The following AGK variants were observed in gnomAD, a reference collection of about 807,000 sequenced individuals.
AGK encodes acylglycerol kinase.
In AGK, 52 loss-of-function variants were observed where a neutral mutation model predicts 66.4. The ratio of observed to expected loss-of-function variants is 0.78; its 90% CI spans 0.63 to 0.99. The LOEUF (loss-of-function observed/expected upper bound fraction) is 0.99, where lower values mean the gene tolerates loss of function less well. Among genes scored for constraint, AGK ranks in the 50% least tolerant of loss-of-function variants. The pLI is 0.00. For synonymous variants in AGK, 182 were observed against 181.1 expected, an observed-to-expected ratio of 1.00 and a Z score of -0.04; for missense variants, 451 against 506.6, an observed-to-expected ratio of 0.89 and a Z score of 1.05.
chr7:141,629,788 C>A (rs180896130), intron 9 of AGK, among the ~76,000 whole-genome samples: 1 of 152,040 alleles, frequency 6.6e-6, no homozygotes, highest in South Asian at 2.1e-4. Context: ...CTCTTCCCCC[C>A]GAGATGAAGA....
chr7:141,575,653 CCTTTTTTTTTT>C (rs1795719911), intron 2 of AGK, among the ~76,000 whole-genome samples: 1 of 109,666 alleles, frequency 9.1e-6, no homozygotes, highest in African/African-American at 4.0e-5. Flanking sequence ...TTTACAAAGG[CCTTTTTTTTTT>C]TTTTTTTTTT....
intron 3 of AGK, chr7:141,593,677 A>T (rs1796169836): frequency 3.2e-6 from 1 of 315,028 alleles, no homozygotes; most frequent in East Asian, 5.4e-5. Flanking sequence ...TTAAATATTC[A>T]TTTATATGGC....
intron 1 of AGK, among the ~76,000 whole-genome samples, chr7:141,554,524 A>G (rs1795167025): frequency 6.6e-6 from 1 of 152,118 alleles, no homozygotes; most frequent in Non-Finnish European, 1.5e-5. Flanking sequence ...AAAAATATTT[A>G]ATTGCTATTT....
intron 9 of AGK, among the ~76,000 whole-genome samples, chr7:141,624,855 C>T (rs1796902372): frequency 6.6e-6 from 1 of 152,188 alleles, no homozygotes; most frequent in Non-Finnish European, 1.5e-5. Context: ...AGAATTTCTG[C>T]TATAGGTCAC....
intron 2 of AGK, among the ~76,000 whole-genome samples, chr7:141,582,529 G>A (rs144905925): frequency 0.01 from 1,531 of 152,080 alleles, 52 homozygotes; most frequent in African/African-American, 0.035. Context: ...TGTATATTGA[G>A]AATAAGACAG....
Position 141,649,341 on chromosome 7 carries a change from G to T in AGK, c.1046+8G>T, listed in dbSNP as rs1797496925. The T allele has an allele frequency of 6.2e-7, 1 of 1,602,084 alleles. No homozygotes were observed. Among genetic ancestry groups the T allele is most frequent in the Non-Finnish European group, 8.5e-7 (1 of 1,169,696 alleles). On this transcript the variant is annotated splice_region_variant and intron_variant, in intron 14 of 15. Coordinates refer to ENST00000649286, the MANE Select transcript of AGK (RefSeq NM_018238.4). ...AGACTTTATAACTATAGGGTAAGTG[G>T]ACTGGGGTTCACAGGAAATGAGGCT...
intron 9 of AGK, among the ~76,000 whole-genome samples, chr7:141,632,171 C>A (rs897535964): frequency 6.6e-6 from 1 of 150,386 alleles, no homozygotes. Context: ...GCAGAGGTTG[C>A]AATTAGCCGA....
chr7:141,628,734 GA>G (rs1481712875), intron 9 of AGK, among the ~76,000 whole-genome samples: 1 of 152,188 alleles, frequency 6.6e-6, no homozygotes, highest in East Asian at 1.9e-4. Flanking sequence ...AGTTGTGCTG[GA>G]GATGTAACTA....
At chr7:141,558,718 T>C (rs1795272331) in intron 2 of AGK, among the ~76,000 whole-genome samples, 1 of 152,206 alleles carries the variant, frequency 6.6e-6, no homozygotes, top group African/African-American at 2.4e-5. Flanking sequence ...TTTTCCATTG[T>C]GGCTCATCAT....
At position 141,654,923 on chromosome 7, in the gene AGK, T is replaced by C. The variant is rs1004902588; in HGVS notation, c.*1999T>C. 3 of 152,198 alleles carry C rather than the reference T, an allele frequency of 2.0e-5. No individual in the cohort carries two copies. Among genetic ancestry groups the C allele is most frequent in the African/African-American group, 7.2e-5 (3 of 41,438 alleles). 9.4% of individuals were successfully genotyped at this position (152,198 alleles called of 1,614,324 possible). Reference sequence around the variant, plus strand: ...CTTCAGGGTGGTAAAATTTCTGCTTTTGGCAAAAACATAACAGACGGTTCC... The same window carrying C: ...CTTCAGGGTGGTAAAATTTCTGCTTCTGGCAAAAACATAACAGACGGTTCC... On this transcript the variant is annotated 3_prime_UTR_variant, in exon 16 of 16. Transcript: ENST00000649286.
At chr7:141,647,014 GGTT>G (rs1324873000) in intron 13 of AGK, among the ~76,000 whole-genome samples, 1 of 152,082 alleles carries the variant, frequency 6.6e-6, no homozygotes, top group African/African-American at 2.4e-5. Flanking sequence ...GTGACTTGGT[GGTT>G]GTCCTCCTGA....
chr7:141,556,968 T>A (rs1246451889), intron 2 of AGK, among the ~76,000 whole-genome samples: 1 of 152,228 alleles, frequency 6.6e-6, no homozygotes, highest in African/African-American at 2.4e-5. Flanking sequence ...AGAAGTTTTT[T>A]TGTATAAAAA....
intron 2 of AGK, among the ~76,000 whole-genome samples, chr7:141,587,143 A>G (rs1467890548): frequency 6.6e-6 from 1 of 152,130 alleles, no homozygotes; most frequent in Non-Finnish European, 1.5e-5. Context: ...CAATTGCTTA[A>G]TGCAGGATGT....
intron 2 of AGK, among the ~76,000 whole-genome samples, chr7:141,586,641 T>C (rs1165566346): frequency 6.6e-6 from 1 of 152,170 alleles, no homozygotes; most frequent in Non-Finnish European, 1.5e-5. Context: ...GTGCTTGGCC[T>C]TTTTTAAAAA....
chr7:141,552,820 A>T (rs898541254), intron 1 of AGK, among the ~76,000 whole-genome samples: 2 of 152,192 alleles, frequency 1.3e-5, no homozygotes, highest in East Asian at 1.9e-4. Context: ...TTGAAGACAC[A>T]GGTACACAGA....
At chr7:141,587,585 G>A (rs1005518643) in intron 2 of AGK, among the ~76,000 whole-genome samples, 3 of 152,096 alleles carry the variant, frequency 2.0e-5, no homozygotes, top group East Asian at 1.9e-4. Flanking sequence ...GCACTTGTAC[G>A]CTTTGACATG....
chr7:141,649,930 T>C (rs2117030235), intron 14 of AGK, among the ~76,000 whole-genome samples: 1 of 152,362 alleles, frequency 6.6e-6, no homozygotes, highest in African/African-American at 2.4e-5. Flanking sequence ...CAATACAGAA[T>C]ACCCTTCCAA....
intron 12 of AGK, 83 bp from the exon 13 acceptor site, chr7:141,641,728 T>TGAGCAGC: frequency 8.9e-7 from 1 of 1,128,176 alleles, no homozygotes; most frequent in Non-Finnish European, 1.3e-6. Context: ...GAAGCTGAGC[T>TGAGCAGC]GAGCAGCTAG....
In AGK at chr7:141,576,863, C is replaced by T. The variant is rs574445016; in HGVS notation, c.102-16283C>T. ...GACCATCCTCGCTAACACGGTGAAA[C>T]CCCGTCTCTACTAAAAATACAAAAA... On this transcript the variant is annotated intron_variant, in intron 2 of 15. Transcript: ENST00000649286. Among the ~76,000 whole-genome samples, 130 of 151,936 alleles carry T rather than the reference C, an allele frequency of 8.6e-4. 1 individual carries two copies. The highest frequency in any genetic ancestry group is 3.0e-3 in the African/African-American group (126 of 41,438).
Sources: gnomAD v4.1 joint callset for allele counts (sites outside exome capture counted in the v4.1 genomes callset) on GRCh38, gnomAD v4.1.1 for gene constraint, MANE v1.5 for transcripts, NCBI Gene and HGNC (gene_info 2026-07-23, HGNC 2026-07-21) for gene names.